Variants in CACHD1 observed in about 807,000 individuals in gnomAD.
CACHD1 encodes the protein VWFA and cache domain-containing protein 1.
A neutral mutation model predicts 138.7 loss-of-function variants in CACHD1; 71 were observed. The observed-to-expected ratio is 0.51, with a 90% CI of 0.42 to 0.62. The LOEUF is 0.62. Ranked by LOEUF, CACHD1 falls within the 20% of genes least tolerant of loss-of-function variation. CACHD1 has a pLI of 0.00. For missense variants in CACHD1, 1,389 were observed against 1,625.3 expected, an observed-to-expected ratio of 0.85 and a Z score of 2.50; for synonymous variants, 578 against 591.5, an observed-to-expected ratio of 0.98 and a Z score of 0.33.
At chr1:64,681,541 GTTTTTTTTTTTT>G (rs57993424) in intron 25 of CACHD1, among the ~76,000 whole-genome samples, 1 of 68,130 alleles carries the variant, frequency 1.5e-5, no homozygotes, top group Non-Finnish European at 2.7e-5. Flanking sequence ...ATTTTATTGT[GTTTTTTTTTTTT>G]TTTTTTTTTT....
chr1:64,663,605 G>C (rs999537048), intron 13 of CACHD1, 90 bp from the exon 14 acceptor site: 20 of 1,421,210 alleles, frequency 1.4e-5, no homozygotes, highest in Non-Finnish European at 1.7e-5. Flanking sequence ...CACCATAGCT[G>C]ACAGATTGGC....
At position 64,474,337 on chromosome 1, in the gene CACHD1, C is replaced by T. The variant is rs182300010; in HGVS notation, c.198+3395C>T. ...GCAACAAGTTTTTATCAAGCAGCAT[C>T]GTGGAGTGGAAAGAGCCCCACATTG... On this transcript the variant is annotated intron_variant, in intron 1 of 26. Transcript: ENST00000651257. Among the ~76,000 whole-genome samples the T allele has an allele frequency of 1.5e-4, 23 of 152,238 alleles. No individual in the cohort carries two copies. The East Asian group carries it at 4.4e-3, about 29-fold the overall frequency.
intron 16 of CACHD1, among the ~76,000 whole-genome samples, chr1:64,669,621 G>T (rs1649750053): frequency 6.6e-6 from 1 of 152,110 alleles, no homozygotes; most frequent in African/African-American, 2.4e-5. Context: ...TGTGTCTTTG[G>T]CTGTGAAAAT....
intron 1 of CACHD1, among the ~76,000 whole-genome samples, chr1:64,486,381 CACACACACACAT>C (rs2100286757): frequency 6.6e-6 from 1 of 151,392 alleles, no homozygotes; most frequent in African/African-American, 2.4e-5. Flanking sequence ...CACACACACA[CACACACACACAT>C]ACACATACAC....
At position 64,676,000 on chromosome 1, in the gene CACHD1, T is replaced by TAAC. The variant is rs201249642; in HGVS notation, c.2975+19_2975+20insCAA. ...AGAGAACCGGTAAAATAATTAATAATAATAATAATAATAATAATAATAATA... is the reference window on the plus strand; with the variant it reads ...AGAGAACCGGTAAAATAATTAATAATAACAATAATAATAATAATAATAATAATA... On this transcript the variant is annotated intron_variant, in intron 21 of 26. Transcript: ENST00000651257. 6 of 119,520 alleles carry TAAC rather than the reference T, an allele frequency of 5.0e-5. No individual in the cohort carries two copies. The highest frequency in any genetic ancestry group is 6.5e-5 in the Non-Finnish European group (6 of 92,078). The allele number at this position is 119,520 out of a possible 1,614,324, so 7.4% of individuals were successfully genotyped here.
At chr1:64,650,745 T>C (rs191625219) in intron 9 of CACHD1, among the ~76,000 whole-genome samples, 2 of 152,214 alleles carry the variant, frequency 1.3e-5, no homozygotes, top group Admixed American at 1.3e-4. Flanking sequence ...CCTGGGGGTT[T>C]CTAGAAGAAT....
chr1:64,629,312 C>A, intron 4 of CACHD1, 43 bp from the exon 5 acceptor site: 1 of 1,605,976 alleles, frequency 6.2e-7, no homozygotes, highest in Non-Finnish European at 8.5e-7. Flanking sequence ...CTGCATGCAC[C>A]TGTGGATTTG....
At position 64,544,525 on chromosome 1, in the gene CACHD1, T is replaced by C. The variant is rs568395443; in HGVS notation, c.199-6069T>C. 2.4e-4 allele frequency among the ~76,000 whole-genome samples: 37 copies of C among 151,886 alleles called. No individual in the cohort carries two copies. The South Asian group carries it at 6.5e-3, about 27-fold the overall frequency. ...ATGATGGTTTGGGAGGGTGGGTCAG[T>C]GGATGGAGAGAGGGAAGGACTAAGG... On this transcript the variant is annotated intron_variant, in intron 1 of 26. Transcript: ENST00000651257.
At chr1:64,582,399 C>A in intron 3 of CACHD1, 95 bp downstream of exon 3, 1 of 1,099,274 alleles carries the variant, frequency 9.1e-7, no homozygotes, top group Non-Finnish European at 1.3e-6. Flanking sequence ...TTATTTATTG[C>A]AAATTGTGTA....
chr1:64,575,512 T>C (rs897469186), intron 2 of CACHD1, among the ~76,000 whole-genome samples: 22 of 152,190 alleles, frequency 1.4e-4, no homozygotes, highest in African/African-American at 5.1e-4. Context: ...GAAAACAAAA[T>C]GCAAGGTTTA....
At chr1:64,562,614 G>C (rs1273876283) in intron 2 of CACHD1, among the ~76,000 whole-genome samples, 1 of 147,760 alleles carries the variant, frequency 6.8e-6, no homozygotes, top group East Asian at 2.0e-4. Context: ...GTAGAGATGG[G>C]GTTTCACCAT....
chr1:64,628,517 T>C (rs1648191284), intron 4 of CACHD1, among the ~76,000 whole-genome samples: 1 of 152,076 alleles, frequency 6.6e-6, no homozygotes, highest in Non-Finnish European at 1.5e-5. Flanking sequence ...AAAGACTTCA[T>C]GGAGGTCGTG....
intron 7 of CACHD1, among the ~76,000 whole-genome samples, chr1:64,636,892 C>CGTATACAGGACATCCTGTATATTCAGCA (rs1557531828): frequency 1.3e-5 from 2 of 152,026 alleles, no homozygotes; most frequent in Non-Finnish European, 2.9e-5. Flanking sequence ...GGTTATGTCC[C>CGTATACAGGACATCCTGTATATTCAGCA]GTATACAGGA....
intron 2 of CACHD1, among the ~76,000 whole-genome samples, chr1:64,562,499 T>C (rs374398439): frequency 6.7e-6 from 1 of 148,338 alleles, no homozygotes; most frequent in African/African-American, 2.5e-5. Context: ...AACCTCCGCC[T>C]CCCAGGTTCA....
At chr1:64,622,381 C>T (rs1287678077) in intron 4 of CACHD1, among the ~76,000 whole-genome samples, 1 of 152,194 alleles carries the variant, frequency 6.6e-6, no homozygotes, top group East Asian at 1.9e-4. Flanking sequence ...TGTTTGCCAG[C>T]TTTAGCCGTT....
At chr1:64,682,471 T>C (rs1650225493) in intron 26 of CACHD1, among the ~76,000 whole-genome samples, 1 of 152,192 alleles carries the variant, frequency 6.6e-6, no homozygotes, top group African/African-American at 2.4e-5. Context: ...GAATCTGTGC[T>C]GTCCTCCAGC....
chr1:64,636,721 A>G (rs778580956), intron 7 of CACHD1, among the ~76,000 whole-genome samples: 2 of 152,076 alleles, frequency 1.3e-5, no homozygotes, highest in Non-Finnish European at 2.9e-5. Flanking sequence ...GATCAGCCCC[A>G]CTTTCCCTTT....
intron 4 of CACHD1, among the ~76,000 whole-genome samples, chr1:64,612,235 A>G (rs1351693022): frequency 6.6e-6 from 1 of 152,208 alleles, no homozygotes; most frequent in East Asian, 1.9e-4. Context: ...TTCAAATGAA[A>G]GTTATTATAT....
intron 5 of CACHD1, among the ~76,000 whole-genome samples, chr1:64,631,845 C>T (rs1283797477): frequency 6.6e-6 from 1 of 152,082 alleles, no homozygotes; most frequent in Non-Finnish European, 1.5e-5. Flanking sequence ...TTTGATGGCA[C>T]AGTTTTAAAT....
Sources: allele counts gnomAD v4.1 joint callset (sites outside exome capture counted in the v4.1 genomes callset), GRCh38; gene constraint gnomAD v4.1.1; transcripts MANE v1.5; gene names NCBI Gene and HGNC (gene_info 2026-07-23, HGNC 2026-07-21).